Variants in FAT4 observed in about 807,000 individuals in gnomAD.
FAT4 encodes protocadherin Fat 4.
In FAT4, 84 loss-of-function variants were observed where a neutral mutation model predicts 303.9. That is an observed-to-expected ratio of 0.28 (90% confidence interval 0.23 to 0.33). The LOEUF is 0.33. Among genes scored for constraint, FAT4 ranks in the 10% least tolerant of loss-of-function variants. The pLI is 1.00. For missense variants in FAT4, 6,005 were observed against 6,146.8 expected (o/e 0.98, Z 0.77); for synonymous variants, 2,307 against 2,298.8 (o/e 1.00, Z -0.10).
At chr4:125,362,781 G>T (rs931806927) in intron 2 of FAT4, 1 of 152,122 alleles carries the variant, frequency 6.6e-6, no homozygotes, top group East Asian at 1.9e-4. Flanking sequence ...AGCTATGTGA[G>T]GGAATCCAGC....
At chr4:125,358,927 G>A (rs1272570900) in intron 2 of FAT4, among the ~76,000 whole-genome samples, 2 of 151,982 alleles carry the variant, frequency 1.3e-5, no homozygotes, top group African/African-American at 4.8e-5. Context: ...TATATTGTAG[G>A]TATTATAAAT....
At chr4:125,403,317 A>G (rs910917763) in intron 3 of FAT4, among the ~76,000 whole-genome samples, 5 of 152,114 alleles carry the variant, frequency 3.3e-5, no homozygotes, top group African/African-American at 9.6e-5. Flanking sequence ...AATGGAGCAC[A>G]AATTCAACCA....
rs773880805 is a variant in FAT4, at chr4:125,451,191, A to G, written c.10181A>G (p.Asn3394Ser). Residue 3394 changes from asparagine (N) to serine (S), a missense_variant, in exon 10 of 18, where the codon AAT becomes AGT. Physicochemically the swap from Asn to Ser is conservative, Grantham distance 46. Coordinates refer to ENST00000394329, the MANE Select transcript of FAT4 (RefSeq NM_001291303.3). Reference protein sequence around the residue: ...RGADIDEVTVNVTVLDANDPP... With the variant: ...RGADIDEVTVSVTVLDANDPP... The stretch of plus-strand genomic sequence containing the variant: ...GCAGATATAGATGAGGTCACTGTAA[A>G]TGTCACCGTGCTTGATGCAAATGAC... 1.2e-6 allele frequency: 2 copies of G among 1,613,994 alleles called. No homozygotes were observed. The highest frequency in any genetic ancestry group is 2.7e-5 in the African/African-American group (2 of 74,934).
chr4:125,368,196 C>G (rs185401473), intron 2 of FAT4, among the ~76,000 whole-genome samples: 1 of 152,042 alleles, frequency 6.6e-6, no homozygotes, highest in East Asian at 1.9e-4. Flanking sequence ...AAGTGCAAAT[C>G]CAGATTTGTA....
chr4:125,366,884 CA>C (rs1732908744), intron 2 of FAT4, among the ~76,000 whole-genome samples: 1 of 151,824 alleles, frequency 6.6e-6, no homozygotes, highest in Non-Finnish European at 1.5e-5. Context: ...GCTTGTTGGC[CA>C]TATGTATGTC....
intron 11 of FAT4, among the ~76,000 whole-genome samples, chr4:125,467,072 T>C (rs570262071): frequency 2.6e-5 from 4 of 152,272 alleles, no homozygotes; most frequent in Admixed American, 2.0e-4. Flanking sequence ...CCACCATGCC[T>C]GGCCAAAATG....
At chr4:125,373,819 C>A (rs548846987) in intron 2 of FAT4, among the ~76,000 whole-genome samples, 1 of 152,238 alleles carries the variant, frequency 6.6e-6, no homozygotes, top group South Asian at 2.1e-4. Flanking sequence ...AATAGGGCTA[C>A]GGCATTCATG....
Position 125,345,290 on chromosome 4 carries a change from C to T in FAT4, c.5175+23704C>T, listed in dbSNP as rs151312548. ...GAACAGCGAAAATATTCTCTGCAAA[C>T]GAAAAATATTGGACAATTAAGGTGC... On this transcript the variant is annotated intron_variant, in intron 2 of 17. Coordinates refer to ENST00000394329, the MANE Select transcript of FAT4 (RefSeq NM_001291303.3). Among the ~76,000 whole-genome samples the T allele has an allele frequency of 7.2e-5, 11 of 152,024 alleles. 1 individual carries two copies. The highest frequency in any genetic ancestry group is 1.7e-4 in the African/African-American group (7 of 41,476).
At chr4:125,402,008 A>G (rs1371861156) in intron 3 of FAT4, among the ~76,000 whole-genome samples, 1 of 151,872 alleles carries the variant, frequency 6.6e-6, no homozygotes, top group East Asian at 1.9e-4. Flanking sequence ...TATTTAGTAA[A>G]TAGACTTTTC....
rs764920623 is a variant in FAT4 at position 125,487,620 on chromosome 4, T to C, written c.13084+14T>C. On this transcript the variant is annotated intron_variant, in intron 17 of 17. Coordinates refer to ENST00000394329, the MANE Select transcript of FAT4 (RefSeq NM_001291303.3). Reference sequence around the variant, plus strand: ...ATGCCCAAACAGGTAAATGCCTTTATTAAGTAGAGTCACAAGGGAAGTAAA... The same window carrying C: ...ATGCCCAAACAGGTAAATGCCTTTACTAAGTAGAGTCACAAGGGAAGTAAA... 5 of 1,577,336 alleles carry C rather than the reference T, an allele frequency of 3.2e-6. No individual in the cohort carries two copies. In the African/African-American group the frequency reaches 5.4e-5, roughly 17 times the overall value.
chr4:125,420,496 T>C (rs1202361664), intron 7 of FAT4, among the ~76,000 whole-genome samples: 1 of 152,226 alleles, frequency 6.6e-6, no homozygotes, highest in Non-Finnish European at 1.5e-5. Context: ...ATATATTCAT[T>C]GTTTGCAGAT....
At chr4:125,371,148 C>CAAAAAA (rs1197394937) in intron 2 of FAT4, among the ~76,000 whole-genome samples, 1 of 97,978 alleles carries the variant, frequency 1.0e-5, no homozygotes, top group Non-Finnish European at 2.0e-5. Context: ...AACTCCATCT[C>CAAAAAA]AAAAAAAAAA....
At position 125,318,787 on chromosome 4, in the gene FAT4, A is replaced by G. The variant is rs779400775; in HGVS notation, c.2376A>G (p.Val792=). 39 of 1,614,102 alleles carry G rather than the reference A, an allele frequency of 2.4e-5. No individual in the cohort carries two copies. Among genetic ancestry groups the G allele is most frequent in the Non-Finnish European group, 3.1e-5 (36 of 1,180,048 alleles). The part of the protein sequence containing the change: ...TVLDTQDNPP[V]FSQVAYSFVV... ...TGGACACTCAAGACAACCCACCTGTATTCAGTCAGGTTGCCTACAGCTTTG... is the reference window on the plus strand; with the variant it reads ...TGGACACTCAAGACAACCCACCTGTGTTCAGTCAGGTTGCCTACAGCTTTG... The change falls in exon 2 of 18, where the codon GTA becomes GTG. Residue 792 remains valine, a synonymous_variant. Coordinates refer to ENST00000394329, the MANE Select transcript of FAT4 (RefSeq NM_001291303.3).
At position 125,451,220 on chromosome 4, in the gene FAT4, C is replaced by T; in HGVS notation, c.10210C>T (p.Pro3404Ser). The T allele has an allele frequency of 6.2e-7, 1 of 1,614,054 alleles. No homozygotes were observed. Among genetic ancestry groups the T allele is most frequent in the Non-Finnish European group, 8.5e-7 (1 of 1,180,008 alleles). The part of the protein sequence containing the change: ...NVTVLDANDP[P>S]IFTLNIYSVQ... ...CACCGTGCTTGATGCAAATGACCCA[C>T]CCATTTTTACTCTAAACATCTACAG... The change falls in exon 10 of 18, where the codon CCC becomes TCC. Residue 3404 changes from proline (P) to serine (S), a missense_variant. Transcript: ENST00000394329.
At chr4:125,443,001 A>C (rs1426864581) in intron 8 of FAT4, among the ~76,000 whole-genome samples, 2 of 152,156 alleles carry the variant, frequency 1.3e-5, no homozygotes, top group Non-Finnish European at 2.9e-5. Context: ...AGGCTTAAAA[A>C]TGTTAAGAAA....
intron 11 of FAT4, among the ~76,000 whole-genome samples, chr4:125,466,561 A>C (rs1452875692): frequency 2.0e-5 from 3 of 151,048 alleles, no homozygotes; most frequent in African/African-American, 4.8e-5. Context: ...TATAAATATT[A>C]AATATAGATG....
chr4:125,381,042 TTAG>T (rs1190941612), intron 2 of FAT4, among the ~76,000 whole-genome samples: 1 of 152,118 alleles, frequency 6.6e-6, no homozygotes, highest in Non-Finnish European at 1.5e-5. Context: ...AAAACTAACG[TTAG>T]TAGTCAAGTA....
rs1727580520 is a variant in FAT4, at chr4:125,490,381, T to A, written c.13565T>A (p.Val4522Asp). The A allele has an allele frequency of 6.2e-7, 1 of 1,613,950 alleles. No individual in the cohort carries two copies. Among genetic ancestry groups the A allele is most frequent in the Non-Finnish European group, 8.5e-7 (1 of 1,180,044 alleles). Residue 4522 changes from valine to aspartate, a missense_variant, in exon 18 of 18, where the codon GTC becomes GAC. By Grantham distance (152) the Val-to-Asp change is radical (BLOSUM62 -3). Coordinates refer to ENST00000394329, the MANE Select transcript of FAT4 (RefSeq NM_001291303.3). The part of the protein sequence containing the change: ...GSCATVLALL[V>D]LSLILCNQCR... ...TGCGCAACCGTCTTGGCCCTCCTGGTCCTTAGCCTGATCCTGTGTAACCAG... is the reference window on the plus strand; with the variant it reads ...TGCGCAACCGTCTTGGCCCTCCTGGACCTTAGCCTGATCCTGTGTAACCAG...
chr4:125,353,298 CACAA>C (rs573207197), intron 2 of FAT4, among the ~76,000 whole-genome samples: 1 of 151,716 alleles, frequency 6.6e-6, no homozygotes, highest in South Asian at 2.1e-4. Flanking sequence ...ATTACTTCAT[CACAA>C]ACAAAGAAAC....
Sources: allele counts gnomAD v4.1 joint callset (sites outside exome capture counted in the v4.1 genomes callset), GRCh38; gene constraint gnomAD v4.1.1; transcripts MANE v1.5; gene names NCBI Gene and HGNC (gene_info 2026-07-23, HGNC 2026-07-21).